The following ANAPC7 variants were observed in gnomAD, a reference collection of about 807,000 sequenced individuals.
The protein encoded by ANAPC7 is anaphase promoting complex subunit 7.
In ANAPC7, 25 loss-of-function variants were observed where a neutral mutation model predicts 63.3. That is an observed-to-expected ratio of 0.39 (90% confidence interval 0.29 to 0.55). The LOEUF (loss-of-function observed/expected upper bound fraction) is 0.55. ANAPC7 is among the 20% of genes least tolerant of loss of function. ANAPC7 has a pLI of 0.57. For synonymous variants in ANAPC7, 241 were observed against 251.7 expected, an observed-to-expected ratio of 0.96 and a Z score of 0.40; for missense variants, 516 against 691.7, an observed-to-expected ratio of 0.75 and a Z score of 2.85.
In ANAPC7 at chr12:110,372,963, TAC is replaced by T. The variant is rs766255835; in HGVS notation, c.*1179_*1180del. 26 of 152,192 alleles carry T rather than the reference TAC, an allele frequency of 1.7e-4. No individual in the cohort carries two copies. Among genetic ancestry groups the T allele is most frequent in the African/African-American group, 6.0e-4 (25 of 41,446 alleles). The allele number at this position is 152,192 out of a possible 1,614,324, so 9.4% of individuals were successfully genotyped here. On this transcript the variant is annotated 3_prime_UTR_variant, in exon 11 of 11. Coordinates refer to ENST00000455511, the MANE Select transcript of ANAPC7 (RefSeq NM_016238.3). ...CTGAGCTCATTAACTACTGTACACT[TAC>T]AGTTTTTACATTTTAGGATACGACT... is the stretch of plus-strand genomic sequence containing the variant.
chr12:110,385,771 T>C lies in ANAPC7; in HGVS notation c.817+556A>G, dbSNP rs1029527932. Among the ~76,000 whole-genome samples the C allele has an allele frequency of 2.6e-5, 4 of 152,196 alleles. No homozygotes were observed. In the East Asian group the frequency reaches 7.7e-4, roughly 29 times the overall value. ...GACCTTTACAAATAGACAGCATATCTATCTGACCTTATTTCCCACTATTCC... is the reference window on the plus strand; with the variant it reads ...GACCTTTACAAATAGACAGCATATCCATCTGACCTTATTTCCCACTATTCC... On this transcript the variant is annotated intron_variant, in intron 6 of 10. Transcript: ENST00000455511.
chr12:110,395,055 A>C (rs1194229929), intron 3 of ANAPC7, 46 bp downstream of exon 3: 1 of 1,578,804 alleles, frequency 6.3e-7, no homozygotes. Context: ...GAGAGGGAGC[A>C]GGGTTAGGAG....
chr12:110,396,324 C>T lies in ANAPC7; in HGVS notation c.230G>A (p.Ser77Asn), dbSNP rs572887118. 1 of 1,613,390 alleles carries T rather than the reference C, an allele frequency of 6.2e-7. No homozygotes were observed. Among genetic ancestry groups the T allele is most frequent in the African/African-American group, 1.3e-5 (1 of 74,800 alleles). Residue 77 changes from serine to asparagine, a missense_variant, in exon 2 of 11, where the codon AGT becomes AAT. Ser to Asn is a conservative substitution (Grantham distance 46). Transcript: ENST00000455511. ...TGAAGGTCTCACTTTTGAAGTTTTA[C>T]TTAGCGCTTTCTTCTGCTGTAAAGC... The part of the protein sequence containing the change: ...TMALQQKKAL[S>N]KTSKVRPSTG...
Position 110,373,511 on chromosome 12 carries a change from C to T in ANAPC7, c.*633G>A, listed in dbSNP as rs1162595374. ...CAAACCAGTTTTATTAGGGAACTGC[C>T]CCAGGTGCACCTCTGGTTCATGCTC... On this transcript the variant is annotated 3_prime_UTR_variant, in exon 11 of 11. Transcript: ENST00000455511. The T allele has an allele frequency of 1.3e-5, 2 of 152,234 alleles. No individual in the cohort carries two copies. The highest frequency in any genetic ancestry group is 2.9e-5 in the Non-Finnish European group (2 of 68,086). The allele number at this position is 152,234 out of a possible 1,614,324, so 9.4% of individuals were successfully genotyped here.
chr12:110,396,683 G>GT (rs113013763), intron 1 of ANAPC7, among the ~76,000 whole-genome samples: 97,556 of 146,132 alleles, frequency 0.67, 32,775 homozygotes, highest in African/African-American at 0.77. Context: ...GCTAATTTTT[G>GT]TTTTTTTTTT....
chr12:110,387,490 T>A (rs993959934), intron 5 of ANAPC7: 2 of 322,030 alleles, frequency 6.2e-6, no homozygotes, highest in African/African-American at 4.3e-5. Context: ...CTGCTTTGCT[T>A]TGCAAGGGTT....
At chr12:110,401,993 T>C (rs535509914) in intron 1 of ANAPC7, among the ~76,000 whole-genome samples, 162 of 133,730 alleles carry the variant, frequency 1.2e-3, no homozygotes, top group African/African-American at 4.4e-3. Flanking sequence ...CTGGTCAATA[T>C]AGTGAAACTC....
In ANAPC7 at chr12:110,381,840, T is replaced by A. The variant is rs1881872853; in HGVS notation, c.1044A>T (p.Ala348=). Residue 348 remains alanine (A), a synonymous_variant, in exon 8 of 11, where the codon GCA becomes GCT. Transcript: ENST00000455511. The part of the protein sequence containing the change: ...SVQALLLKGA[A]LRNMGRVQEA... ...CTTGGACTCTGCCCATGTTCCTAAG[T>A]GCTGCTCCCTTAAGTAGCAGAGCTT... 1 of 1,613,826 alleles carries A rather than the reference T, an allele frequency of 6.2e-7. No homozygotes were observed. The highest frequency in any genetic ancestry group is 1.3e-5 in the African/African-American group (1 of 74,866).
At chr12:110,381,539 G>A (rs1477169182) in intron 8 of ANAPC7, among the ~76,000 whole-genome samples, 4 of 152,026 alleles carry the variant, frequency 2.6e-5, no homozygotes, top group Admixed American at 6.6e-5. Context: ...GTTTCACCAC[G>A]TTGGCCAGGA....
At chr12:110,393,340 T>C (rs1249557253) in intron 3 of ANAPC7, among the ~76,000 whole-genome samples, 4 of 152,198 alleles carry the variant, frequency 2.6e-5, no homozygotes, top group Non-Finnish European at 5.9e-5. Context: ...TTATTTCCTA[T>C]AATAAGAAAT....
chr12:110,396,516 C>CT (rs201366440), intron 1 of ANAPC7, 64 bp from the exon 2 acceptor site: 51,981 of 993,410 alleles, frequency 0.052, 6 homozygotes, highest in East Asian at 0.059. Flanking sequence ...CCCCCAGCTT[C>CT]TTTTTTTTTT....
In ANAPC7 at chr12:110,386,326, C is replaced by G; in HGVS notation, c.817+1G>C. 6.2e-7 allele frequency: 1 copy of G among 1,613,926 alleles called. No individual in the cohort carries two copies. The highest frequency in any genetic ancestry group is 1.1e-5 in the South Asian group (1 of 91,034). On this transcript the variant is annotated splice_donor_variant, in intron 6 of 10. Coordinates refer to ENST00000455511, the MANE Select transcript of ANAPC7 (RefSeq NM_016238.3). LOFTEE classifies it high-confidence loss of function. ...GTCTTCCTGCCCCAAGAATTACTTA[C>G]CTTTTATCAGATAAGGATCCAACAT...
chr12:110,395,755 G>C (rs1300251763), intron 2 of ANAPC7, among the ~76,000 whole-genome samples: 2 of 152,056 alleles, frequency 1.3e-5, no homozygotes, highest in African/African-American at 4.8e-5. Flanking sequence ...AGCCAGGATG[G>C]TTTCAATCTC....
Position 110,382,891 on chromosome 12 carries a change from C to T in ANAPC7, c.887G>A (p.Arg296His), listed in dbSNP as rs779099539. ...ATGCTGATCAGAGATATTGAAAAGG[C>T]GGCATCCAAGGTTCTCAACATCCTC... ...RLEDVENLGC[R>H]LFNISDQHAE... The change falls in exon 7 of 11, where the codon CGC (arginine) becomes CAC (histidine). Residue 296 changes from arginine (R) to histidine (H), a missense_variant. Arg to His is a conservative substitution (Grantham distance 29, BLOSUM62 0). Around this residue, in one of 4 missense-constraint regions of ANAPC7, gnomAD observed 199 missense variants for 249.3 expected, o/e 0.80. Coordinates refer to ENST00000455511, the MANE Select transcript of ANAPC7 (RefSeq NM_016238.3). 11 of 1,613,880 alleles carry T rather than the reference C, an allele frequency of 6.8e-6. No individual in the cohort carries two copies. Among genetic ancestry groups the T allele is most frequent in the East Asian group, 2.2e-5 (1 of 44,874 alleles).
intron 2 of ANAPC7, 73 bp downstream of exon 2, chr12:110,396,193 G>A (rs988721185): frequency 4.3e-6 from 6 of 1,399,998 alleles, no homozygotes; most frequent in Non-Finnish European, 5.9e-6. Flanking sequence ...CTGGGGCCTG[G>A]GGACCCTGTT....
rs1315801051 is a variant in ANAPC7 at position 110,373,022 on chromosome 12, A to G, written c.*1122T>C. On this transcript the variant is annotated 3_prime_UTR_variant, in exon 11 of 11. Coordinates refer to ENST00000455511, the MANE Select transcript of ANAPC7 (RefSeq NM_016238.3). ...TGACATCAAATTTATATTTTGCAGC[A>G]CCTTGGACTAATTTTTGAATTTGGG... 6.6e-6 allele frequency: 1 copy of G among 152,146 alleles called. No individual in the cohort carries two copies. Among genetic ancestry groups the G allele is most frequent in the Non-Finnish European group, 1.5e-5 (1 of 68,016 alleles). 9.4% of individuals were successfully genotyped at this position (152,146 alleles called of 1,614,324 possible).
intron 5 of ANAPC7, 107 bp downstream of exon 5, chr12:110,387,632 G>A: frequency 7.5e-7 from 1 of 1,332,236 alleles, no homozygotes; most frequent in Non-Finnish European, 1.0e-6. Flanking sequence ...ACTGGCTGCA[G>A]CACCAACAGC....
intron 3 of ANAPC7, among the ~76,000 whole-genome samples, chr12:110,392,474 G>C (rs1020592138): frequency 6.6e-6 from 1 of 152,066 alleles, no homozygotes. Flanking sequence ...CTTAGATTTC[G>C]TATCTTTTAA....
At position 110,374,198 on chromosome 12, in the gene ANAPC7, G is replaced by A. The variant is rs1011631048; in HGVS notation, c.1644C>T (p.Ser548=). The change falls in exon 11 of 11, where the codon AGC becomes AGT. Residue 548 remains serine, a synonymous_variant. Coordinates refer to ENST00000455511, the MANE Select transcript of ANAPC7 (RefSeq NM_016238.3). The part of the protein sequence containing the change: ...GSGEEGDLEG[S]DSEAAQWADQ... ...CAGCCCACTGGGCCGCCTCACTGTCGCTGCCCTCCAGGTCCCCTTCTTCCC... is the reference window on the plus strand; with the variant it reads ...CAGCCCACTGGGCCGCCTCACTGTCACTGCCCTCCAGGTCCCCTTCTTCCC... The A allele has an allele frequency of 3.7e-6, 6 of 1,613,732 alleles. No homozygotes were observed. The highest frequency in any genetic ancestry group is 5.1e-6 in the Non-Finnish European group (6 of 1,180,030).
Sources: allele counts gnomAD v4.1 joint callset (sites outside exome capture counted in the v4.1 genomes callset), GRCh38; gene constraint gnomAD v4.1.1; regional missense constraint gnomAD v4.1.1; transcripts MANE v1.5; gene names NCBI Gene and HGNC (gene_info 2026-07-23, HGNC 2026-07-21).